The following KLHL3 variants were observed in gnomAD, a reference collection of about 807,000 sequenced individuals.
The protein encoded by KLHL3 is kelch-like protein 3.
A neutral mutation model predicts 70.5 loss-of-function variants in KLHL3; 19 were observed. That is an observed-to-expected ratio of 0.27 (90% CI 0.19 to 0.40). The LOEUF is 0.40. Ranked by LOEUF, KLHL3 falls within the 10% of genes least tolerant of loss-of-function variation. KLHL3 has a pLI of 1.00. For synonymous variants in KLHL3, 258 were observed against 290.3 expected, an observed-to-expected ratio of 0.89 and a Z score of 1.13; for missense variants, 512 against 771.1, an observed-to-expected ratio of 0.66 and a Z score of 3.98.
At chr5:137,641,819 T>A (rs1430312365) in intron 8 of KLHL3, among the ~76,000 whole-genome samples, 1 of 152,126 alleles carries the variant, frequency 6.6e-6, no homozygotes, top group African/African-American at 2.4e-5. Flanking sequence ...AGTTCTGACT[T>A]CTAAAGCATT....
intron 3 of KLHL3, chr5:137,706,011 T>C (rs1561614567): frequency 1.0e-6 from 1 of 985,424 alleles, no homozygotes; most frequent in Non-Finnish European, 1.2e-6. Flanking sequence ...TCTTATAGAC[T>C]GGTTGGATTG....
At chr5:137,690,091 G>C (rs1262103493) in intron 5 of KLHL3, among the ~76,000 whole-genome samples, 2 of 152,240 alleles carry the variant, frequency 1.3e-5, no homozygotes, top group Non-Finnish European at 2.9e-5. Context: ...ACTTTGGGAG[G>C]CTGAGGCAGG....
In KLHL3 at chr5:137,720,520, T is replaced by C; in HGVS notation, c.79A>G (p.Thr27Ala). Residue 27 changes from threonine (T) to alanine (A), a missense_variant, in exon 2 of 15, where the codon ACT becomes GCT. Thr to Ala is a moderately conservative substitution (Grantham distance 58). Coordinates refer to ENST00000309755, the MANE Select transcript of KLHL3 (RefSeq NM_017415.3). ...GDDEKNQRTI[T>A]VNPAHMGKAF... is the part of the protein sequence containing the mutation. ...TTCCCCATGTGGGCAGGGTTGACAGTGATCGTCCTCTGGTTCTTCTCATCA... is the reference window on the plus strand; with the variant it reads ...TTCCCCATGTGGGCAGGGTTGACAGCGATCGTCCTCTGGTTCTTCTCATCA... 1 of 1,614,180 alleles carries C rather than the reference T, an allele frequency of 6.2e-7. No homozygotes were observed. The highest frequency in any genetic ancestry group is 8.5e-7 in the Non-Finnish European group (1 of 1,180,016).
intron 12 of KLHL3, chr5:137,629,647 T>C (rs1485854210): frequency 6.6e-6 from 1 of 152,234 alleles, no homozygotes; most frequent in Admixed American, 6.5e-5. Context: ...AGATATTGCT[T>C]GAATAACAAA....
intron 8 of KLHL3, among the ~76,000 whole-genome samples, chr5:137,642,921 T>C (rs889255546): frequency 1.3e-5 from 2 of 151,108 alleles, no homozygotes; most frequent in African/African-American, 4.9e-5. Context: ...CCAGAAACTA[T>C]CTCCCACCAG....
intron 8 of KLHL3, among the ~76,000 whole-genome samples, chr5:137,649,704 C>G (rs1375568358): frequency 6.6e-6 from 1 of 152,242 alleles, no homozygotes; most frequent in African/African-American, 2.4e-5. Context: ...ACTTCCTCAT[C>G]TGCAAAATGG....
intron 2 of KLHL3, among the ~76,000 whole-genome samples, chr5:137,711,346 C>T (rs1257523350): frequency 1.3e-5 from 2 of 152,204 alleles, no homozygotes; most frequent in Non-Finnish European, 2.9e-5. Flanking sequence ...TGAAAAGATG[C>T]CCAAAGCCAC....
chr5:137,624,981 A>C (rs1415888106), intron 14 of KLHL3, among the ~76,000 whole-genome samples: 1 of 152,204 alleles, frequency 6.6e-6, no homozygotes, highest in Admixed American at 6.5e-5. Context: ...GCATGGACTT[A>C]GAACTCTGGG....
At chr5:137,629,228 G>T (rs1250760856) in intron 12 of KLHL3, 1 of 152,234 alleles carries the variant, frequency 6.6e-6, no homozygotes, top group African/African-American at 2.4e-5. Flanking sequence ...ACAGTATCTA[G>T]AAAGTGCAAC....
At chr5:137,642,954 T>C (rs1750953993) in intron 8 of KLHL3, among the ~76,000 whole-genome samples, 1 of 152,066 alleles carries the variant, frequency 6.6e-6, no homozygotes, top group Non-Finnish European at 1.5e-5. Context: ...TACATGCATA[T>C]TGGAGAAAAT....
chr5:137,624,224 G>A (rs1329389272), intron 14 of KLHL3, among the ~76,000 whole-genome samples: 1 of 152,134 alleles, frequency 6.6e-6, no homozygotes, highest in East Asian at 1.9e-4. Flanking sequence ...CTCAGTAAGT[G>A]GGTTTGAACA....
intron 2 of KLHL3, among the ~76,000 whole-genome samples, chr5:137,713,206 T>C (rs1449358843): frequency 6.8e-6 from 1 of 147,852 alleles, no homozygotes; most frequent in East Asian, 2.0e-4. Flanking sequence ...AGTACATGCC[T>C]ATAATCCTAG....
intron 7 of KLHL3, among the ~76,000 whole-genome samples, chr5:137,660,358 C>T (rs1252200633): frequency 1.3e-5 from 2 of 152,150 alleles, no homozygotes; most frequent in Non-Finnish European, 2.9e-5. Flanking sequence ...GTTGCCAACC[C>T]TCCCTGTGGA....
At chr5:137,681,531 G>T (rs1365360056) in intron 5 of KLHL3, among the ~76,000 whole-genome samples, 1 of 152,154 alleles carries the variant, frequency 6.6e-6, no homozygotes, top group Non-Finnish European at 1.5e-5. Context: ...ATCCAACAAA[G>T]GTTTGCTGAG....
chr5:137,679,456 G>A (rs955334771), intron 5 of KLHL3, among the ~76,000 whole-genome samples: 49 of 152,312 alleles, frequency 3.2e-4, no homozygotes, highest in African/African-American at 1.2e-3. Context: ...CACATGTATC[G>A]TTGGCTGACC....
Position 137,637,341 on chromosome 5 carries a change from G to C in KLHL3, c.1274C>G (p.Ala425Gly). Residue 425 changes from alanine to glycine, a missense_variant, in exon 11 of 15, where the codon GCC (alanine) becomes GGC (glycine). Ala to Gly is a moderately conservative substitution (Grantham distance 60). Transcript: ENST00000309755. ...ACTGCTCCGCCGCGTGTTCATCGGG[G>C]CCACAAAGAACCACTCGTTGGTCTT... ...SYKTNEWFFV[A>G]PMNTRRSSVG... is the part of the protein sequence containing the mutation. 6.2e-7 allele frequency: 1 copy of C among 1,614,116 alleles called. No individual in the cohort carries two copies. The highest frequency in any genetic ancestry group is 8.5e-7 in the Non-Finnish European group (1 of 1,179,980).
intron 6 of KLHL3, among the ~76,000 whole-genome samples, chr5:137,668,835 G>A (rs1389958553): frequency 2.6e-5 from 4 of 152,134 alleles, no homozygotes; most frequent in African/African-American, 9.7e-5. Context: ...TTTACACCAT[G>A]GAAATCAGCA....
intron 10 of KLHL3, among the ~76,000 whole-genome samples, chr5:137,638,530 G>C (rs1561585957): frequency 6.6e-6 from 1 of 152,166 alleles, no homozygotes; most frequent in African/African-American, 2.4e-5. Context: ...AGTAGAAAGG[G>C]CAACAGAAAA....
intron 1 of KLHL3, among the ~76,000 whole-genome samples, chr5:137,735,425 G>A (rs1270541665): frequency 1.3e-5 from 2 of 152,232 alleles, no homozygotes; most frequent in Non-Finnish European, 2.9e-5. Flanking sequence ...TGCCTTTGCG[G>A]AAGCCAGATC....
Sources: allele counts gnomAD v4.1 joint callset (sites outside exome capture counted in the v4.1 genomes callset), GRCh38; gene constraint gnomAD v4.1.1; transcripts MANE v1.5; gene names NCBI Gene and HGNC (gene_info 2026-07-23, HGNC 2026-07-21).